Variants in DHX34 observed in about 807,000 individuals in gnomAD.
The protein encoded by DHX34 is probable ATP-dependent RNA helicase DHX34.
A neutral mutation model predicts 111.1 loss-of-function variants in DHX34; 96 were observed. The observed-to-expected ratio is 0.86, with a 90% CI of 0.73 to 1.02. The LOEUF (loss-of-function observed/expected upper bound fraction) is 1.02. Ranked by LOEUF, DHX34 falls within the 50% of genes least tolerant of loss-of-function variation. The pLI, the probability that DHX34 is intolerant of heterozygous loss-of-function variation, is 0.00. For synonymous variants in DHX34, 688 were observed against 670.4 expected (o/e 1.03, Z -0.41); for missense variants, 1,560 against 1,579.9 (o/e 0.99, Z 0.21).
At chr19:47,377,974 G>A (rs1970224325) in intron 13 of DHX34, among the ~76,000 whole-genome samples, 2 of 152,092 alleles carry the variant, frequency 1.3e-5, no homozygotes, top group African/African-American at 2.4e-5. Flanking sequence ...GAGTCCTCAC[G>A]CAGCCCTGTG....
intron 7 of DHX34, among the ~76,000 whole-genome samples, chr19:47,368,022 TTTATG>T (rs1969845962): frequency 6.6e-6 from 1 of 152,058 alleles, no homozygotes; most frequent in African/African-American, 2.4e-5. Flanking sequence ...TTTGCAAGAT[TTTATG>T]TTATTTTTTA....
At chr19:47,365,332 AC>A (rs1969759285) in intron 6 of DHX34, among the ~76,000 whole-genome samples, 1 of 151,410 alleles carries the variant, frequency 6.6e-6, no homozygotes, top group Non-Finnish European at 1.5e-5. Flanking sequence ...GCTCACTGCA[AC>A]CTCCACCTCC....
intron 13 of DHX34, among the ~76,000 whole-genome samples, chr19:47,378,399 C>T (rs1291992974): frequency 1.3e-5 from 2 of 152,192 alleles, no homozygotes; most frequent in Non-Finnish European, 2.9e-5. Flanking sequence ...GACGGCAAAC[C>T]AAAAGGGTGA....
At chr19:47,377,273 G>A (rs1444680679) in intron 13 of DHX34, 67 bp downstream of exon 13, 4 of 1,522,560 alleles carry the variant, frequency 2.6e-6, no homozygotes, top group Non-Finnish European at 8.9e-7. Context: ...GGTGGTGGGT[G>A]GGGGCACCGC....
rs193022787 is a variant in DHX34, at chr19:47,361,753, T to C, written c.1376-723T>C. ...TGCCATTGCACTCCAGCCTGGGCAA[T>C]AAGAGTGAAACTCCATCTCAAAAAA... On this transcript the variant is annotated intron_variant, in intron 5 of 16. Coordinates refer to ENST00000328771, the MANE Select transcript of DHX34 (RefSeq NM_014681.6). Among the ~76,000 whole-genome samples, 192 of 151,498 alleles carry C rather than the reference T, an allele frequency of 1.3e-3. 1 individual carries two copies. The highest frequency in any genetic ancestry group is 4.5e-3 in the African/African-American group (184 of 41,190).
chr19:47,376,989 C>A, intron 12 of DHX34, 111 bp from the exon 13 acceptor site: 1 of 1,570,404 alleles, frequency 6.4e-7, no homozygotes, highest in African/African-American at 1.4e-5. Flanking sequence ...AAAGCCATGC[C>A]GTAAGCATAC....
chr19:47,372,646 G>A lies in DHX34; in HGVS notation c.1769-84G>A, dbSNP rs1161489114. The A allele has an allele frequency of 5.3e-5, 68 of 1,285,682 alleles. 1 individual carries two copies. Among genetic ancestry groups the A allele is most frequent in the South Asian group, 4.9e-4 (31 of 63,740 alleles). The allele number at this position is 1,285,682 out of a possible 1,614,324, so 79.6% of individuals were successfully genotyped here. A position where few individuals can be genotyped will look rare whatever the true frequency, so the allele number is the denominator to read the frequency against. ...AGGGGGTGGGAGCAGGAGGGCAGGC[G>A]GGAGGGCAGGCTGGGGCCCCGAGGG... On this transcript the variant is annotated intron_variant, in intron 7 of 16. Transcript: ENST00000328771.
intron 4 of DHX34, 88 bp from the exon 5 acceptor site, chr19:47,359,880 T>C (rs1969572354): frequency 5.0e-6 from 8 of 1,598,700 alleles, no homozygotes; most frequent in African/African-American, 1.3e-5. Flanking sequence ...CCAGGGAAGC[T>C]GCTGACACGG....
rs549211476 is a variant in DHX34, at chr19:47,359,498, G to T, written c.1273-470G>T. 7.9e-5 allele frequency among the ~76,000 whole-genome samples: 12 copies of T among 151,954 alleles called. No individual in the cohort carries two copies. The South Asian group carries it at 1.5e-3, about 18-fold the overall frequency. On this transcript the variant is annotated intron_variant, in intron 4 of 16. Transcript: ENST00000328771. ...AAAAAGTTCAAGATGTTCAGGTCGG[G>T]GGAGCAGGTGTGGTGGCTCATGCCT...
intron 7 of DHX34, among the ~76,000 whole-genome samples, chr19:47,370,865 G>C (rs1969944096): frequency 1.3e-5 from 2 of 152,134 alleles, no homozygotes; most frequent in Non-Finnish European, 2.9e-5. Context: ...GTAGAAACAG[G>C]GTTTCACCAC....
rs1009773661 is a variant in DHX34, at chr19:47,375,770, G to T, written c.2307+62G>T. 9.0e-5 allele frequency: 140 copies of T among 1,558,282 alleles called. No homozygotes were observed. In the African/African-American group the frequency reaches 1.7e-3, roughly 19 times the overall value. On this transcript the variant is annotated intron_variant, in intron 10 of 16. Transcript: ENST00000328771. ...AAGGTGGGCCTTGGCCTCTCCTGGG[G>T]GGGTCCCAGGGGACATGGCCCTGTC...
chr19:47,380,110 C>T, intron 14 of DHX34, 125 bp downstream of exon 14: 1 of 1,412,958 alleles, frequency 7.1e-7, no homozygotes. Context: ...GTTTTCAGGC[C>T]ACAGAGGTTC....
At chr19:47,377,975 C>A (rs1303231858) in intron 13 of DHX34, among the ~76,000 whole-genome samples, 2 of 152,164 alleles carry the variant, frequency 1.3e-5, no homozygotes, top group African/African-American at 4.8e-5. Context: ...AGTCCTCACG[C>A]AGCCCTGTGG....
intron 14 of DHX34, 28 bp downstream of exon 14, chr19:47,380,013 C>T (rs749529027): frequency 1.3e-6 from 2 of 1,551,506 alleles, no homozygotes; most frequent in African/African-American, 2.7e-5. Flanking sequence ...GCCCGTGCCT[C>T]CCTATGGCCA....
chr19:47,362,487 G>A lies in DHX34; in HGVS notation c.1387G>A (p.Glu463Lys). 2 of 1,587,526 alleles carry A rather than the reference G, an allele frequency of 1.3e-6. No individual in the cohort carries two copies. Among genetic ancestry groups the A allele is most frequent in the Non-Finnish European group, 1.7e-6 (2 of 1,164,182 alleles). ...RFVVDSGKVK[E>K]MSYDPQAKLQ... ...TTGCTCCCATCCAGGAAAGGTGAAG[G>A]AGATGAGCTACGATCCGCAGGCCAA... Residue 463 changes from glutamate to lysine, a missense_variant, in exon 6 of 17, where the codon GAG becomes AAG. Transcript: ENST00000328771.
intron 6 of DHX34, among the ~76,000 whole-genome samples, chr19:47,365,873 G>C (rs1178270333): frequency 6.6e-6 from 1 of 152,144 alleles, no homozygotes; most frequent in Non-Finnish European, 1.5e-5. Context: ...CATTAATTGG[G>C]ATTCTTTTGG....
chr19:47,373,923 T>C (rs995451205), intron 9 of DHX34, among the ~76,000 whole-genome samples: 1 of 152,114 alleles, frequency 6.6e-6, no homozygotes, highest in Non-Finnish European at 1.5e-5. Context: ...TCAGTGGACA[T>C]GCAGCATCCT....
chr19:47,366,541 A>G (rs1969790241), intron 6 of DHX34, among the ~76,000 whole-genome samples: 1 of 151,178 alleles, frequency 6.6e-6, no homozygotes, highest in Non-Finnish European at 1.5e-5. Context: ...GTGGCCTCCC[A>G]AAGTGCTAGG....
chr19:47,381,422 GGACT>G (rs1373440105), intron 16 of DHX34, 98 bp downstream of exon 16: 4 of 1,493,672 alleles, frequency 2.7e-6, no homozygotes, highest in Admixed American at 4.4e-5. Flanking sequence ...AGAGCTTCGA[GGACT>G]GACGACCTCC....
Sources: allele counts gnomAD v4.1 joint callset (sites outside exome capture counted in the v4.1 genomes callset), GRCh38; gene constraint gnomAD v4.1.1; transcripts MANE v1.5; gene names NCBI Gene and HGNC (gene_info 2026-07-23, HGNC 2026-07-21).